Variants in KLHDC1 observed in about 807,000 individuals in gnomAD.
The protein encoded by KLHDC1 is kelch domain containing 1.
In KLHDC1, 53 loss-of-function variants were observed where a neutral mutation model predicts 68.3. The observed-to-expected ratio is 0.78, with a 90% CI of 0.62 to 0.98. KLHDC1 has a LOEUF of 0.98. Ranked by LOEUF, KLHDC1 falls within the 50% of genes least tolerant of loss-of-function variation. The pLI, the probability that KLHDC1 is intolerant of heterozygous loss-of-function variation, is 0.00. For synonymous variants in KLHDC1, 148 were observed against 159.0 expected (o/e 0.93, Z 0.52); for missense variants, 470 against 492.3 (o/e 0.95, Z 0.43).
chr14:49,697,479 A>G (rs1273240826), intron 1 of KLHDC1, among the ~76,000 whole-genome samples: 1 of 152,238 alleles, frequency 6.6e-6, no homozygotes, highest in Non-Finnish European at 1.5e-5. Flanking sequence ...ATACTGTGAG[A>G]ATTACCAAAA....
intron 4 of KLHDC1, among the ~76,000 whole-genome samples, chr14:49,720,322 G>C (rs983632096): frequency 6.6e-6 from 1 of 152,018 alleles, no homozygotes; most frequent in Non-Finnish European, 1.5e-5. Context: ...ATCTCACTAT[G>C]TTGCCCAGGC....
chr14:49,696,883 C>T (rs1301326427), intron 1 of KLHDC1, among the ~76,000 whole-genome samples: 1 of 150,488 alleles, frequency 6.6e-6, no homozygotes, highest in Non-Finnish European at 1.5e-5. Flanking sequence ...ACAGTCCACT[C>T]TTCCTTCACT....
In KLHDC1 at chr14:49,695,045, A is replaced by G. The variant is rs112819742; in HGVS notation, c.96+1755A>G. On this transcript the variant is annotated intron_variant, in intron 1 of 12. Coordinates refer to ENST00000359332, the MANE Select transcript of KLHDC1 (RefSeq NM_172193.3). ...GTGGCTGTGGCAGTTTCTTAAGACA[A>G]GACAATGAAGTTTGCCACATTGAGC... 3.2e-3 allele frequency among the ~76,000 whole-genome samples: 494 copies of G among 152,142 alleles called. 2 individuals carry two copies. Among genetic ancestry groups the G allele is most frequent in the Non-Finnish European group, 5.4e-3 (370 of 68,000 alleles).
chr14:49,735,608 A>T (rs923903492), intron 10 of KLHDC1, among the ~76,000 whole-genome samples: 8 of 148,260 alleles, frequency 5.4e-5, no homozygotes, highest in Non-Finnish European at 9.0e-5. Context: ...CTCTTTTGAA[A>T]TTTTTTTTTT....
At chr14:49,699,799 T>C (rs1887849865) in intron 1 of KLHDC1, among the ~76,000 whole-genome samples, 1 of 152,166 alleles carries the variant, frequency 6.6e-6, no homozygotes, top group Non-Finnish European at 1.5e-5. Context: ...CTAATTGGTA[T>C]CAGAATATGA....
In KLHDC1 at chr14:49,725,551, G is replaced by C. The variant is rs1393355427; in HGVS notation, c.484-135G>C. 5 of 584,198 alleles carry C rather than the reference G, an allele frequency of 8.6e-6. No individual in the cohort carries two copies. In the Admixed American group the frequency reaches 1.1e-4, roughly 13 times the overall value. 36.2% of individuals were successfully genotyped at this position (584,198 alleles called of 1,614,324 possible). A position where few individuals can be genotyped will look rare whatever the true frequency, so the allele number is the denominator to read the frequency against. On this transcript the variant is annotated intron_variant, in intron 5 of 12. Transcript: ENST00000359332. ...TTGGGAGGTACCCGTGTATCCGTTG[G>C]CTTTGTGACTATGGTAACACTTAAC...
chr14:49,734,644 AC>A lies in KLHDC1; in HGVS notation c.881del (p.Pro294LeufsTer19). 1 of 1,590,144 alleles carries A rather than the reference AC, an allele frequency of 6.3e-7. No individual in the cohort carries two copies. The highest frequency in any genetic ancestry group is 1.1e-5 in the South Asian group (1 of 88,390). Reference protein sequence around the residue: ...TNCWKQLTHLPKTRPRLWHTA... With the variant: ...TNCWKQLTHLXKTRPRLWHTA... ...ATTGTTGGAAACAACTTACACATTT[AC>A]CTAAAACAAGACCTAGGTAAGTCAA... On this transcript the variant is annotated frameshift_variant, in exon 10 of 13. Coordinates refer to ENST00000359332, the MANE Select transcript of KLHDC1 (RefSeq NM_172193.3). LOFTEE classifies it high-confidence loss of function.
intron 4 of KLHDC1, among the ~76,000 whole-genome samples, chr14:49,720,050 G>A (rs1225372252): frequency 1.3e-5 from 2 of 150,614 alleles, no homozygotes; most frequent in East Asian, 2.0e-4. Flanking sequence ...GCAGTGGCGC[G>A]ATCTTGGCTC....
chr14:49,693,395 G>A, intron 1 of KLHDC1, 105 bp downstream of exon 1: 2 of 760,262 alleles, frequency 2.6e-6, no homozygotes, highest in South Asian at 1.1e-4. Flanking sequence ...CCCAGGCCTG[G>A]CGCGCCCGGC....
chr14:49,729,990 A>AT (rs1156697747), intron 8 of KLHDC1, among the ~76,000 whole-genome samples: 9 of 152,224 alleles, frequency 5.9e-5, no homozygotes, highest in African/African-American at 2.2e-4. Context: ...TATAAGTACC[A>AT]TTAAATACCA....
chr14:49,702,774 C>A (rs1486988239), intron 1 of KLHDC1, among the ~76,000 whole-genome samples: 4 of 152,160 alleles, frequency 2.6e-5, no homozygotes, highest in Non-Finnish European at 4.4e-5. Context: ...AGGCAAGTGG[C>A]TAGGACTCCA....
chr14:49,718,818 C>G (rs1888450419), intron 4 of KLHDC1, among the ~76,000 whole-genome samples: 1 of 95,834 alleles, frequency 1.0e-5, no homozygotes, highest in African/African-American at 4.2e-5. Flanking sequence ...ACTCTGTTCA[C>G]TTTGTTGCCC....
intron 4 of KLHDC1, among the ~76,000 whole-genome samples, chr14:49,713,833 TATATATATATA>T (rs1888288692): frequency 0.018 from 279 of 15,550 alleles, 51 homozygotes; most frequent in East Asian, 0.037. Context: ...TATATATATA[TATATATATATA>T]TATATATTTT....
At chr14:49,702,034 G>C (rs1294489778) in intron 1 of KLHDC1, among the ~76,000 whole-genome samples, 2 of 152,068 alleles carry the variant, frequency 1.3e-5, no homozygotes, top group Non-Finnish European at 2.9e-5. Flanking sequence ...TGGGCATGGT[G>C]GCACATGCCT....
chr14:49,728,785 A>T, intron 6 of KLHDC1, 141 bp from the exon 7 acceptor site: 1 of 664,690 alleles, frequency 1.5e-6, no homozygotes, highest in Non-Finnish European at 2.7e-6. Context: ...ATTTAGAATA[A>T]ACTTTTGCAT....
chr14:49,751,602 A>G lies in KLHDC1; in HGVS notation c.1051A>G (p.Ile351Val). 2 of 1,562,404 alleles carry G rather than the reference A, an allele frequency of 1.3e-6. No individual in the cohort carries two copies. Among genetic ancestry groups the G allele is most frequent in the South Asian group, 1.2e-5 (1 of 82,960 alleles). Residue 351 changes from isoleucine to valine, a missense_variant, in exon 13 of 13, where the codon ATT becomes GTT. Coordinates refer to ENST00000359332, the MANE Select transcript of KLHDC1 (RefSeq NM_172193.3). ...YSLLRSCLDC[I>V]GKNSIMLESQ... ...TATTTACAGGTCATGCCTTGACTGCATTGGTAAAAATTCTATCATGTTAGA... is the reference window on the plus strand; with the variant it reads ...TATTTACAGGTCATGCCTTGACTGCGTTGGTAAAAATTCTATCATGTTAGA...
chr14:49,713,838 A>ATTT (rs1566602988), intron 4 of KLHDC1, among the ~76,000 whole-genome samples: 2 of 6,168 alleles, frequency 3.2e-4, no homozygotes, highest in Admixed American at 3.1e-3. Flanking sequence ...ATATATATAT[A>ATTT]TATATATATA....
chr14:49,693,745 T>TTTA (rs2139722352), intron 1 of KLHDC1, among the ~76,000 whole-genome samples: 1 of 73,732 alleles, frequency 1.4e-5, no homozygotes, highest in East Asian at 7.4e-4. Context: ...TTCTTTTCTT[T>TTTA]TTCTTTTTTT....
chr14:49,705,245 T>C (rs547831647), intron 1 of KLHDC1, among the ~76,000 whole-genome samples: 1 of 151,816 alleles, frequency 6.6e-6, no homozygotes, highest in Admixed American at 6.6e-5. Flanking sequence ...TTTCGAGGGA[T>C]AGCAGCTACC....
Sources: gnomAD v4.1 joint callset for allele counts (sites outside exome capture counted in the v4.1 genomes callset) on GRCh38, gnomAD v4.1.1 for gene constraint, MANE v1.5 for transcripts, NCBI Gene and HGNC (gene_info 2026-07-23, HGNC 2026-07-21) for gene names.